RTN4IP1: variants seen among roughly 807,000 people sequenced by gnomAD.
RTN4IP1 encodes the protein NAD(P)H oxidoreductase RTN4IP1, mitochondrial.
Under a neutral mutation model 46.6 loss-of-function variants are expected in RTN4IP1, and 32 were observed. The ratio of observed to expected loss-of-function variants is 0.69; its 90% confidence interval spans 0.52 to 0.92. The LOEUF is 0.92. Ranked by LOEUF, RTN4IP1 falls within the 40% of genes least tolerant of loss-of-function variation. The pLI, the probability that RTN4IP1 is intolerant of heterozygous loss-of-function variation, is 0.00. For synonymous variants in RTN4IP1, 167 were observed against 161.8 expected (o/e 1.03, Z -0.24); for missense variants, 424 against 485.8 (o/e 0.87, Z 1.20).
At chr6:106,592,101 C>T in intron 6 of RTN4IP1, 63 bp downstream of exon 6, 3 of 1,543,164 alleles carry the variant, frequency 1.9e-6, no homozygotes, top group Non-Finnish European at 2.7e-6. Context: ...CAAGCCATCT[C>T]AGACCTGCAT....
At chr6:106,578,911 CTTCTT>C (rs982799152) in intron 8 of RTN4IP1, among the ~76,000 whole-genome samples, 1 of 145,008 alleles carries the variant, frequency 6.9e-6, no homozygotes, top group African/African-American at 2.5e-5. Flanking sequence ...TCTTCTTCTT[CTTCTT>C]TTTTTTTTTT....
intron 4 of RTN4IP1, among the ~76,000 whole-genome samples, chr6:106,606,010 G>A (rs1776063878): frequency 6.6e-6 from 1 of 152,096 alleles, no homozygotes; most frequent in Admixed American, 6.5e-5. Context: ...AAAAGAGGAT[G>A]TCAAATTGTC....
At chr6:106,630,115 T>C (rs956060712), upstream of RTN4IP1, among the ~76,000 whole-genome samples, 4 of 152,120 alleles carry the variant, frequency 2.6e-5, no homozygotes, top group Non-Finnish European at 4.4e-5. Context: ...AAATGAGTAA[T>C]TTTTGGCTTT....
intron 4 of RTN4IP1, among the ~76,000 whole-genome samples, chr6:106,604,450 A>T (rs1026622): frequency 0.68 from 103,741 of 151,900 alleles, 37,304 homozygotes; most frequent in Non-Finnish European, 0.81. Flanking sequence ...ACTTTGAAGT[A>T]AAGAAGCAGC....
rs200677660 is a variant in RTN4IP1, at chr6:106,615,663, G to C, written c.620+3539C>G. The stretch of plus-strand genomic sequence containing the variant: ...CACCTTTTAATACTTCTGTCAAACA[G>C]AATGAAGTACAACTTTCCCGGCAAG... On this transcript the variant is annotated intron_variant, in intron 4 of 8. Transcript: ENST00000369063. Among the ~76,000 whole-genome samples, 8 of 152,076 alleles carry C rather than the reference G, an allele frequency of 5.3e-5. No individual in the cohort carries two copies. The East Asian group carries it at 1.6e-3, about 30-fold the overall frequency.
intron 8 of RTN4IP1, among the ~76,000 whole-genome samples, 176 bp downstream of exon 8, chr6:106,583,152 T>C (rs1194282671): frequency 2.6e-5 from 4 of 152,104 alleles, no homozygotes; most frequent in Non-Finnish European, 5.9e-5. Context: ...TGTCTATGCC[T>C]CCCATGGAGA....
chr6:106,583,527 T>C (rs1487713055), intron 7 of RTN4IP1, 107 bp from the exon 8 acceptor site: 5 of 836,570 alleles, frequency 6.0e-6, no homozygotes, highest in Non-Finnish European at 9.8e-6. Flanking sequence ...AACTGATTTC[T>C]CATTTCATGC....
chr6:106,615,912 A>G (rs1219023876), intron 4 of RTN4IP1, among the ~76,000 whole-genome samples: 1 of 151,830 alleles, frequency 6.6e-6, no homozygotes, highest in Non-Finnish European at 1.5e-5. Context: ...TTCACTTGAC[A>G]TTTTCTTTTT....
At chr6:106,583,263 G>T (rs1775410711) in intron 8 of RTN4IP1, 65 bp downstream of exon 8, 3 of 1,292,656 alleles carry the variant, frequency 2.3e-6, no homozygotes, top group South Asian at 2.5e-5. Flanking sequence ...GGCTCAGTGG[G>T]CAGGTCTACA....
At chr6:106,624,935 CAAA>C (rs1329840633) in intron 1 of RTN4IP1, among the ~76,000 whole-genome samples, 4 of 47,976 alleles carry the variant, frequency 8.3e-5, no homozygotes, top group Non-Finnish European at 1.0e-4. Flanking sequence ...AGCTCTGTCT[CAAA>C]AAAAAAAAAA....
chr6:106,594,557 G>A (rs1775737222), intron 5 of RTN4IP1, among the ~76,000 whole-genome samples: 1 of 151,608 alleles, frequency 6.6e-6, no homozygotes, highest in African/African-American at 2.4e-5. Context: ...ACAGCTATAG[G>A]GTGAACACCA....
chr6:106,630,122 C>T (rs1440787662), upstream of RTN4IP1, among the ~76,000 whole-genome samples: 2 of 152,130 alleles, frequency 1.3e-5, no homozygotes, highest in Non-Finnish European at 1.5e-5. Flanking sequence ...TAATTTTTGG[C>T]TTTTTTCAAA....
chr6:106,618,661 A>G (rs180720283), intron 4 of RTN4IP1, among the ~76,000 whole-genome samples: 1 of 152,334 alleles, frequency 6.6e-6, no homozygotes, highest in Admixed American at 6.5e-5. Flanking sequence ...AACCCAAATG[A>G]GTACACGCTC....
At chr6:106,622,717 T>C (rs956675773) in intron 2 of RTN4IP1, 101 bp downstream of exon 2, 8 of 1,288,938 alleles carry the variant, frequency 6.2e-6, no homozygotes, top group African/African-American at 1.5e-5. Context: ...TTAGCTGCAC[T>C]GACAGGCAAA....
chr6:106,613,421 T>G (rs1776277771), intron 4 of RTN4IP1, among the ~76,000 whole-genome samples: 1 of 152,116 alleles, frequency 6.6e-6, no homozygotes, highest in Non-Finnish European at 1.5e-5. Context: ...AGGTTTGAAA[T>G]GTACAAAGCC....
intron 8 of RTN4IP1, among the ~76,000 whole-genome samples, chr6:106,580,213 CAAAAAA>C (rs746909333): frequency 1.4e-5 from 1 of 69,184 alleles, no homozygotes; most frequent in Admixed American, 1.7e-4. Context: ...GACTCTGTCT[CAAAAAA>C]AAAAAAAAAA....
intron 5 of RTN4IP1, among the ~76,000 whole-genome samples, chr6:106,598,637 G>A (rs1165938566): frequency 6.6e-6 from 1 of 151,982 alleles, no homozygotes; most frequent in Non-Finnish European, 1.5e-5. Context: ...TTTCTCCCAC[G>A]TTGTAGGCTG....
chr6:106,602,780 T>A, intron 5 of RTN4IP1, 94 bp downstream of exon 5: 1 of 826,354 alleles, frequency 1.2e-6, no homozygotes, highest in Non-Finnish European at 1.9e-6. Flanking sequence ...CAGACCTACC[T>A]TTCTCTCAGC....
At chr6:106,629,569 G>T, upstream of RTN4IP1, 5 of 1,343,082 alleles carry the variant, frequency 3.7e-6, no homozygotes, top group Non-Finnish European at 3.1e-6. Flanking sequence ...ACTCGGTGTT[G>T]AAGGGCTCAG....
Sources: allele counts gnomAD v4.1 joint callset (sites outside exome capture counted in the v4.1 genomes callset), GRCh38; gene constraint gnomAD v4.1.1; transcripts MANE v1.5; gene names NCBI Gene and HGNC (gene_info 2026-07-23, HGNC 2026-07-21).